NAV3: variants seen among roughly 807,000 people sequenced by gnomAD.
The protein encoded by NAV3 is neuron navigator 3.
NAV3 carries 87 observed loss-of-function variants against 244.7 expected under a neutral mutation model. The ratio of observed to expected loss-of-function variants is 0.36; its 90% CI spans 0.30 to 0.42. NAV3 has a LOEUF of 0.42. NAV3 is among the 20% of genes least tolerant of loss of function. The pLI is 1.00. For missense variants in NAV3, 2,663 were observed against 2,893.3 expected (o/e 0.92, Z 1.83); for synonymous variants, 1,126 against 1,042.2 (o/e 1.08, Z -1.55).
intron 1 of NAV3, among the ~76,000 whole-genome samples, chr12:77,834,365 T>C (rs1874252786): frequency 6.6e-6 from 1 of 152,232 alleles, no homozygotes; most frequent in African/African-American, 2.4e-5. Context: ...AAATATTTTT[T>C]ATGGGTTTAT....
At chr12:77,865,015 A>G (rs1333461542) in intron 1 of NAV3, among the ~76,000 whole-genome samples, 2 of 152,002 alleles carry the variant, frequency 1.3e-5, no homozygotes, top group Non-Finnish European at 2.9e-5. Context: ...GGCATATTTT[A>G]TGTTTTATTC....
chr12:77,901,688 A>G (rs1041672025), intron 1 of NAV3, among the ~76,000 whole-genome samples: 4 of 152,188 alleles, frequency 2.6e-5, no homozygotes, highest in African/African-American at 9.7e-5. Context: ...CCTGGGCAAC[A>G]GGGTGAGACT....
chr12:78,126,812 A>T (rs778024176), intron 16 of NAV3, among the ~76,000 whole-genome samples: 5 of 151,968 alleles, frequency 3.3e-5, no homozygotes, highest in Non-Finnish European at 7.4e-5. Flanking sequence ...GATCTATCTC[A>T]TTTTGCATGT....
At chr12:77,642,484 G>A (rs1318016833) in intron 2 of NAV3, among the ~76,000 whole-genome samples, 1 of 152,162 alleles carries the variant, frequency 6.6e-6, no homozygotes, top group East Asian at 1.9e-4. Flanking sequence ...AGCCAGGGAA[G>A]GTTAAAACTT....
intron 2 of NAV3, among the ~76,000 whole-genome samples, chr12:77,699,207 A>G (rs1401243486): frequency 6.6e-6 from 1 of 152,068 alleles, no homozygotes; most frequent in Non-Finnish European, 1.5e-5. Context: ...GAGATAACTA[A>G]CAGGGTTGTC....
intron 3 of NAV3, among the ~76,000 whole-genome samples, chr12:77,957,163 T>G (rs1340356074): frequency 6.6e-6 from 1 of 152,246 alleles, no homozygotes; most frequent in Non-Finnish European, 1.5e-5. Context: ...TCTTTGGAAT[T>G]TATCATGTTA....
chr12:77,692,984 A>G lies in NAV3; in HGVS notation c.72+120718A>G, dbSNP rs539556526. Among the ~76,000 whole-genome samples, 3 of 152,258 alleles carry G rather than the reference A, an allele frequency of 2.0e-5. 1 individual carries two copies. The highest frequency in any genetic ancestry group is 7.2e-5 in the African/African-American group (3 of 41,568). ...AGTTAAAATCCGAAGAATAGGAGTTAACCAAGCAAATGTGGTGGATAAAGA... is the reference window on the plus strand; with the variant it reads ...AGTTAAAATCCGAAGAATAGGAGTTGACCAAGCAAATGTGGTGGATAAAGA... On this transcript the variant is annotated intron_variant, in intron 2 of 8. Coordinates refer to the NAV3 transcript ENST00000550042.
At chr12:77,879,707 A>G (rs994019559) in intron 1 of NAV3, among the ~76,000 whole-genome samples, 1 of 149,868 alleles carries the variant, frequency 6.7e-6, no homozygotes, top group Non-Finnish European at 1.5e-5. Flanking sequence ...AAAAAAAAAA[A>G]AGGAAATTAT....
chr12:77,655,335 C>T (rs1027101210), intron 2 of NAV3, among the ~76,000 whole-genome samples: 1 of 152,028 alleles, frequency 6.6e-6, no homozygotes, highest in Admixed American at 6.5e-5. Context: ...CCGATGCAAT[C>T]AACTGGAAGA....
intron 7 of NAV3, 133 bp from the exon 8 acceptor site, chr12:78,006,286 T>G: frequency 1.2e-6 from 1 of 813,794 alleles, no homozygotes; most frequent in Non-Finnish European, 1.9e-6. Flanking sequence ...GAGAAGTGAT[T>G]GATGCTGCAG....
At chr12:78,170,194 T>C (rs1957945538) in intron 24 of NAV3, among the ~76,000 whole-genome samples, 1 of 151,738 alleles carries the variant, frequency 6.6e-6, no homozygotes, top group Non-Finnish European at 1.5e-5. Context: ...ACCTAACTTC[T>C]CCAAATTTGC....
chr12:78,117,939 C>G (rs969813949), intron 13 of NAV3, 88 bp from the exon 14 acceptor site: 1 of 1,224,792 alleles, frequency 8.2e-7, no homozygotes, highest in East Asian at 2.6e-5. Context: ...TGGATTTATC[C>G]AGTTATCTGA....
At chr12:77,749,532 T>C (rs1020792580) in intron 2 of NAV3, among the ~76,000 whole-genome samples, 3 of 152,208 alleles carry the variant, frequency 2.0e-5, no homozygotes, top group African/African-American at 7.2e-5. Context: ...AATGTAAATA[T>C]GTTTTAAAAT....
rs1959190693 is a variant in NAV3, at chr12:78,197,310, C to T, written c.6355C>T (p.Leu2119Phe). ...CAGTGCTGATAATAATGGAGTGGAG[C>T]TCCCAGTTGTAATAATTCTTGATAA... is the stretch of plus-strand genomic sequence containing the variant. ...QCSADNNGVE[L>F]PVVIILDNLH... The change falls in exon 35 of 40, where the codon CTC (leucine) becomes TTC (phenylalanine). Residue 2119 changes from leucine (L) to phenylalanine (F), a missense_variant. Physicochemically the swap from Leu to Phe is conservative, Grantham distance 22. Around this residue, in one of 6 missense-constraint regions of NAV3, gnomAD observed 543 missense variants for 672.4 expected, o/e 0.81. Coordinates refer to ENST00000397909, the MANE Select transcript of NAV3 (RefSeq NM_001024383.2). 3 of 1,608,524 alleles carry T rather than the reference C, an allele frequency of 1.9e-6. No individual in the cohort carries two copies. The highest frequency in any genetic ancestry group is 4.5e-5 in the East Asian group (2 of 44,606).
chr12:77,982,662 G>A (rs935240000), intron 5 of NAV3, among the ~76,000 whole-genome samples: 3 of 152,140 alleles, frequency 2.0e-5, no homozygotes, highest in African/African-American at 4.8e-5. Context: ...ACCATTTTAC[G>A]ATGCTCATGG....
At chr12:77,784,358 A>G (rs1870808146) in intron 2 of NAV3, among the ~76,000 whole-genome samples, 1 of 152,314 alleles carries the variant, frequency 6.6e-6, no homozygotes, top group African/African-American at 2.4e-5. Context: ...AGAAAAACTC[A>G]CATCAAAGTC....
rs1401726158 is a variant in NAV3 at position 77,831,521 on chromosome 12, G to A, written c.60G>A (p.Val20=). ...AGCCAGCTGTTGGGTCAAAGCCTGTGCATACTGCTCTTCCGATACCAAATC... is the reference window on the plus strand; with the variant it reads ...AGCCAGCTGTTGGGTCAAAGCCTGTACATACTGCTCTTCCGATACCAAATC... ...LRQPAVGSKP[V]HTALPIPNLG... is the part of the protein sequence containing the mutation. Residue 20 remains valine, a synonymous_variant, in exon 1 of 40, where the codon GTG becomes GTA. Coordinates refer to ENST00000397909, the MANE Select transcript of NAV3 (RefSeq NM_001024383.2). 6.2e-7 allele frequency: 1 copy of A among 1,613,860 alleles called. No individual in the cohort carries two copies. The highest frequency in any genetic ancestry group is 1.3e-5 in the African/African-American group (1 of 74,896).
chr12:78,106,809 G>A (rs989869561), intron 12 of NAV3, among the ~76,000 whole-genome samples: 6 of 152,122 alleles, frequency 3.9e-5, no homozygotes, highest in South Asian at 2.1e-4. Context: ...ACAAAGATAG[G>A]CATGTAGTCA....
chr12:78,168,861 C>T lies in NAV3; in HGVS notation c.4976C>T (p.Pro1659Leu). The change falls in exon 24 of 40, where the codon CCC (proline) becomes CTC (leucine). Residue 1659 changes from proline to leucine, a missense_variant. By Grantham distance (98) the Pro-to-Leu change is moderately conservative. Transcript: ENST00000397909. The stretch of plus-strand genomic sequence containing the variant: ...GCACTGAATGGTCCAGACCATCCTC[C>T]CAAAGGTATATTTAGAAATCATTTC... Reference protein sequence around the residue: ...QGALNGPDHPPKDLRIRRQHS... With the variant: ...QGALNGPDHPLKDLRIRRQHS... The T allele has an allele frequency of 1.3e-6, 2 of 1,588,476 alleles. No homozygotes were observed. The highest frequency in any genetic ancestry group is 1.7e-6 in the Non-Finnish European group (2 of 1,167,896).
Sources: allele counts gnomAD v4.1 joint callset (sites outside exome capture counted in the v4.1 genomes callset), GRCh38; gene constraint gnomAD v4.1.1; regional missense constraint gnomAD v4.1.1; transcripts MANE v1.5; gene names NCBI Gene and HGNC (gene_info 2026-07-23, HGNC 2026-07-21).